B3GALT1: variants seen among roughly 807,000 people sequenced by gnomAD.
B3GALT1 encodes beta-1,3-galactosyltransferase 1.
In B3GALT1, 10 loss-of-function variants were observed where a neutral mutation model predicts 23.2. The ratio of observed to expected loss-of-function variants is 0.43; its 90% CI spans 0.27 to 0.73. B3GALT1 has a LOEUF of 0.73. B3GALT1 is among the 30% of genes least tolerant of loss of function. The pLI, the probability that B3GALT1 is intolerant of heterozygous loss-of-function variation, is 0.21. For synonymous variants in B3GALT1, 156 were observed against 141.5 expected, an observed-to-expected ratio of 1.10 and a Z score of -0.73; for missense variants, 299 against 405.4, an observed-to-expected ratio of 0.74 and a Z score of 2.25.
intron 2 of B3GALT1, among the ~76,000 whole-genome samples, chr2:167,584,783 T>C (rs1011481948): frequency 6.6e-6 from 1 of 152,138 alleles, no homozygotes; most frequent in Admixed American, 6.5e-5. Context: ...AAGGGATGCA[T>C]AGGGCAAGGC....
chr2:167,453,187 C>T (rs1699114761), intron 1 of B3GALT1, among the ~76,000 whole-genome samples: 1 of 152,098 alleles, frequency 6.6e-6, no homozygotes, highest in Non-Finnish European at 1.5e-5. Flanking sequence ...CTAATCAGGC[C>T]TGATGTGCAC....
At chr2:167,593,426 A>G (rs921982900) in intron 2 of B3GALT1, among the ~76,000 whole-genome samples, 5 of 152,200 alleles carry the variant, frequency 3.3e-5, no homozygotes, top group African/African-American at 1.2e-4. Context: ...TGTTTTGTTC[A>G]GTGCAAAGTT....
chr2:167,401,605 T>C (rs1245931216), intron 1 of B3GALT1, among the ~76,000 whole-genome samples: 1 of 152,118 alleles, frequency 6.6e-6, no homozygotes, highest in Non-Finnish European at 1.5e-5. Flanking sequence ...CTACAGGAGA[T>C]CCATATCAAG....
At chr2:167,346,787 C>T (rs750548377) in intron 1 of B3GALT1, among the ~76,000 whole-genome samples, 16 of 150,022 alleles carry the variant, frequency 1.1e-4, no homozygotes, top group Admixed American at 2.0e-4. Flanking sequence ...CGTGTGTGTG[C>T]GTATACCTGT....
intron 3 of B3GALT1, among the ~76,000 whole-genome samples, chr2:167,712,206 A>G (rs114400337): frequency 9.2e-5 from 14 of 152,286 alleles, no homozygotes; most frequent in Non-Finnish European, 1.9e-4. Flanking sequence ...TCAAGGATAT[A>G]TGGTCCAGAA....
chr2:167,410,819 A>T (rs1698379155), intron 1 of B3GALT1, among the ~76,000 whole-genome samples: 1 of 152,124 alleles, frequency 6.6e-6, no homozygotes, highest in South Asian at 2.1e-4. Flanking sequence ...CATGCAAATT[A>T]TACTCCCCCA....
intron 2 of B3GALT1, among the ~76,000 whole-genome samples, chr2:167,629,361 T>G (rs1574177621): frequency 2.0e-5 from 3 of 151,908 alleles, no homozygotes; most frequent in Middle Eastern, 6.8e-3. Context: ...TAATTTTCCC[T>G]TGTTTTAATT....
chr2:167,736,613 C>T (rs1451329085), intron 3 of B3GALT1, among the ~76,000 whole-genome samples: 2 of 152,152 alleles, frequency 1.3e-5, no homozygotes, highest in Non-Finnish European at 2.9e-5. Context: ...TAGAATTAAA[C>T]CAATGAGGCT....
At chr2:167,437,556 A>G (rs948933476) in intron 1 of B3GALT1, among the ~76,000 whole-genome samples, 3 of 152,172 alleles carry the variant, frequency 2.0e-5, no homozygotes, top group African/African-American at 4.8e-5. Flanking sequence ...GGAGGTACTC[A>G]TGGATAAAGC....
chr2:167,703,947 C>A (rs1045578133), intron 3 of B3GALT1, among the ~76,000 whole-genome samples: 1 of 152,008 alleles, frequency 6.6e-6, no homozygotes, highest in Non-Finnish European at 1.5e-5. Flanking sequence ...TTTGGGAGGC[C>A]AAGGCGGGCG....
intron 3 of B3GALT1, among the ~76,000 whole-genome samples, chr2:167,724,079 A>G (rs1366352701): frequency 2.6e-5 from 4 of 152,226 alleles, no homozygotes; most frequent in Non-Finnish European, 5.9e-5. Flanking sequence ...TGGCACCAAC[A>G]TCAATAGAGA....
chr2:167,347,340 G>C (rs1224696784), intron 1 of B3GALT1, among the ~76,000 whole-genome samples: 1 of 152,150 alleles, frequency 6.6e-6, no homozygotes, highest in Non-Finnish European at 1.5e-5. Context: ...TAGAAAGAGT[G>C]AGCTTAACTT....
Position 167,665,607 on chromosome 2 carries a change from T to C in B3GALT1, c.-352+18641T>C, listed in dbSNP as rs1167835930. ...CCATCTGGTCCTGGACTCTTTTTGG[T>C]TGGTAAGCTATTGATTATTGCCACA... is the stretch of plus-strand genomic sequence containing the variant. On this transcript the variant is annotated intron_variant, in intron 3 of 4. Coordinates refer to ENST00000392690, the MANE Select transcript of B3GALT1 (RefSeq NM_020981.4). 1.1e-4 allele frequency among the ~76,000 whole-genome samples: 17 copies of C among 151,930 alleles called. 1 individual carries two copies. The South Asian group carries it at 1.5e-3, about 13-fold the overall frequency.
intron 1 of B3GALT1, among the ~76,000 whole-genome samples, chr2:167,301,678 G>T (rs1048108413): frequency 3.9e-5 from 6 of 152,148 alleles, no homozygotes; most frequent in Non-Finnish European, 8.8e-5. Flanking sequence ...AGCCTCCCTA[G>T]TAGCTGGGAT....
chr2:167,591,592 T>G (rs796784885), intron 2 of B3GALT1, among the ~76,000 whole-genome samples: 7 of 152,166 alleles, frequency 4.6e-5, no homozygotes, highest in African/African-American at 1.7e-4. Context: ...ACCTCAGCCT[T>G]CGGAGTAGCT....
intron 3 of B3GALT1, among the ~76,000 whole-genome samples, chr2:167,753,555 A>G (rs953014807): frequency 4.6e-5 from 7 of 152,154 alleles, no homozygotes; most frequent in African/African-American, 1.7e-4. Flanking sequence ...CTGAGAAGGC[A>G]TCCTGGGGAG....
At chr2:167,804,110 C>A (rs1316455829) in intron 3 of B3GALT1, among the ~76,000 whole-genome samples, 3 of 152,118 alleles carry the variant, frequency 2.0e-5, no homozygotes, top group Non-Finnish European at 4.4e-5. Flanking sequence ...CTGCCTCAGA[C>A]TCCCAAGTAG....
chr2:167,814,351 C>A (rs1282944826), intron 3 of B3GALT1, among the ~76,000 whole-genome samples: 2 of 152,092 alleles, frequency 1.3e-5, no homozygotes, highest in African/African-American at 4.8e-5. Context: ...GATAGAAATC[C>A]TGAGATTAGA....
At chr2:167,824,107 A>G (rs751794324) in intron 4 of B3GALT1, among the ~76,000 whole-genome samples, 37 of 152,356 alleles carry the variant, frequency 2.4e-4, no homozygotes, top group Non-Finnish European at 4.9e-4. Flanking sequence ...TTAAAACTAG[A>G]GTAAAAACAG....
Sources: gnomAD v4.1 joint callset for allele counts (sites outside exome capture counted in the v4.1 genomes callset) on GRCh38, gnomAD v4.1.1 for gene constraint, MANE v1.5 for transcripts, NCBI Gene and HGNC (gene_info 2026-07-23, HGNC 2026-07-21) for gene names.